The following CADM2 variants were observed in gnomAD, a reference collection of about 807,000 sequenced individuals.
CADM2 encodes immunoglobulin superfamily member 4D.
CADM2 carries 12 observed loss-of-function variants against 49.8 expected under a neutral mutation model. The observed-to-expected ratio is 0.24, with a 90% CI of 0.15 to 0.39. The LOEUF (loss-of-function observed/expected upper bound fraction) is 0.39, where lower values mean the gene tolerates loss of function less well. Ranked by LOEUF, CADM2 falls within the 10% of genes least tolerant of loss-of-function variation. The pLI is 1.00. For missense variants in CADM2, 378 were observed against 492.3 expected (o/e 0.77, Z 2.20); for synonymous variants, 214 against 175.4 (o/e 1.22, Z -1.74).
At chr3:86,054,249 T>C (rs1737659692) in intron 8 of CADM2, among the ~76,000 whole-genome samples, 1 of 152,130 alleles carries the variant, frequency 6.6e-6, no homozygotes, top group Admixed American at 6.6e-5. Context: ...GAGAAACTGG[T>C]TCAATTATCA....
At chr3:85,768,838 A>T (rs1243393641) in intron 2 of CADM2, among the ~76,000 whole-genome samples, 1 of 24,402 alleles carries the variant, frequency 4.1e-5, no homozygotes, top group East Asian at 1.1e-3. Flanking sequence ...ATATACATAT[A>T]TAGTATATAT....
At chr3:85,873,551 A>C (rs1447270063) in intron 3 of CADM2, among the ~76,000 whole-genome samples, 1 of 152,152 alleles carries the variant, frequency 6.6e-6, no homozygotes, top group Non-Finnish European at 1.5e-5. Flanking sequence ...CTGTTATCCC[A>C]GCTACTGGGG....
intron 1 of CADM2, among the ~76,000 whole-genome samples, chr3:85,119,044 C>A (rs116325787): frequency 6.6e-6 from 1 of 152,150 alleles, no homozygotes; most frequent in Non-Finnish European, 1.5e-5. Context: ...CCACCACACC[C>A]AGCCTGTCCA....
At chr3:85,212,875 T>C (rs941542010) in intron 1 of CADM2, among the ~76,000 whole-genome samples, 1 of 133,090 alleles carries the variant, frequency 7.5e-6, no homozygotes, top group Non-Finnish European at 1.5e-5. Context: ...TCTTTCTTTC[T>C]TTCTTTCTTT....
chr3:85,497,744 T>C (rs2039962522), intron 1 of CADM2, among the ~76,000 whole-genome samples: 1 of 152,016 alleles, frequency 6.6e-6, no homozygotes, highest in South Asian at 2.1e-4. Flanking sequence ...AGGAGGAAGG[T>C]TATGGGGTTG....
chr3:86,023,452 G>T (rs566539911), intron 8 of CADM2, among the ~76,000 whole-genome samples: 1 of 152,022 alleles, frequency 6.6e-6, no homozygotes, highest in East Asian at 1.9e-4. Context: ...TCCACCTCCC[G>T]GGTTCAAGCA....
chr3:85,560,474 T>C (rs1227799542), intron 1 of CADM2, among the ~76,000 whole-genome samples: 1 of 152,234 alleles, frequency 6.6e-6, no homozygotes, highest in African/African-American at 2.4e-5. Context: ...TTATTTCTTA[T>C]ATGACTACTG....
chr3:85,541,325 C>T (rs958729483), intron 1 of CADM2, among the ~76,000 whole-genome samples: 7 of 151,204 alleles, frequency 4.6e-5, no homozygotes, highest in Non-Finnish European at 1.0e-4. Flanking sequence ...AACACATATG[C>T]ATGTATATAC....
At chr3:85,037,069 C>T (rs1004329670) in intron 1 of CADM2, among the ~76,000 whole-genome samples, 2 of 150,954 alleles carry the variant, frequency 1.3e-5, no homozygotes, top group African/African-American at 4.9e-5. Flanking sequence ...ACTTGGGAGG[C>T]TAAGGCAGGA....
intron 5 of CADM2, among the ~76,000 whole-genome samples, chr3:85,892,703 G>A (rs1714628245): frequency 6.6e-6 from 1 of 152,090 alleles, no homozygotes; most frequent in Non-Finnish European, 1.5e-5. Context: ...ACTCATCTCA[G>A]GTATGTCTTT....
At chr3:85,254,191 A>C (rs774755902) in intron 1 of CADM2, among the ~76,000 whole-genome samples, 39 of 152,230 alleles carry the variant, frequency 2.6e-4, no homozygotes, top group Non-Finnish European at 5.0e-4. Flanking sequence ...ATTGTAAAGT[A>C]TATTACAAAG....
chr3:85,683,951 T>TAA (rs745877593), intron 1 of CADM2, among the ~76,000 whole-genome samples: 2 of 152,230 alleles, frequency 1.3e-5, no homozygotes, highest in Admixed American at 6.5e-5. Flanking sequence ...TGTGTGTTTA[T>TAA]GTGTCTGTAG....
At chr3:85,022,987 T>C (rs1479783414) in intron 1 of CADM2, among the ~76,000 whole-genome samples, 1 of 152,108 alleles carries the variant, frequency 6.6e-6, no homozygotes, top group Non-Finnish European at 1.5e-5. Flanking sequence ...ATGCTTCTAA[T>C]TTTCTACTTA....
At chr3:85,008,806 T>G (rs2033859376) in intron 1 of CADM2, among the ~76,000 whole-genome samples, 1 of 152,208 alleles carries the variant, frequency 6.6e-6, no homozygotes, top group South Asian at 2.1e-4. Flanking sequence ...ATCGTTTTTC[T>G]CAAAAGTACA....
intron 5 of CADM2, among the ~76,000 whole-genome samples, chr3:85,897,959 T>G (rs1715477262): frequency 6.6e-6 from 1 of 152,218 alleles, no homozygotes; most frequent in Non-Finnish European, 1.5e-5. Flanking sequence ...ATTTTTATGT[T>G]CCTTTATTTA....
chr3:85,763,278 T>A (rs913159846), intron 2 of CADM2, among the ~76,000 whole-genome samples: 7 of 152,192 alleles, frequency 4.6e-5, no homozygotes, highest in African/African-American at 1.7e-4. Flanking sequence ...TGGTATCCCA[T>A]GCTAACTTCT....
intron 1 of CADM2, among the ~76,000 whole-genome samples, chr3:85,159,249 C>T (rs951735054): frequency 1.3e-5 from 2 of 152,090 alleles, no homozygotes; most frequent in Non-Finnish European, 2.9e-5. Flanking sequence ...TGAGCAGTAA[C>T]ATACTAATAC....
At position 85,947,509 on chromosome 3, in the gene CADM2, A is replaced by G. The variant is rs1287511872; in HGVS notation, c.791+11652A>G. Among the ~76,000 whole-genome samples, 4 of 151,614 alleles carry G rather than the reference A, an allele frequency of 2.6e-5. No homozygotes were observed. In the Admixed American group the frequency reaches 2.6e-4, roughly 10 times the overall value. On this transcript the variant is annotated intron_variant, in intron 7 of 9. Coordinates refer to ENST00000383699, the MANE Select transcript of CADM2 (RefSeq NM_001167675.2). ...AGTCAGTTTCTTCCAAAATGTCTTC[A>G]AAGATATAATATTGGAAAATTCATT...
Position 85,912,431 on chromosome 3 carries a change from A to T in CADM2, c.588A>T (p.Thr196=). ...ANRKTFTVSS[T]LDFRVDRSDD... Reference sequence around the variant, plus strand: ...GCAAGACATTCACTGTCAGCAGCACACTGGACTTCCGAGTGGACCGGAGTG... The same window carrying T: ...GCAAGACATTCACTGTCAGCAGCACTCTGGACTTCCGAGTGGACCGGAGTG... The change falls in exon 6 of 10, where the codon ACA becomes ACT. Residue 196 remains threonine, a synonymous_variant. Transcript: ENST00000383699. 1 of 1,614,122 alleles carries T rather than the reference A, an allele frequency of 6.2e-7. No homozygotes were observed. Among genetic ancestry groups the T allele is most frequent in the South Asian group, 1.1e-5 (1 of 91,076 alleles).
Sources: gnomAD v4.1 joint callset for allele counts (sites outside exome capture counted in the v4.1 genomes callset) on GRCh38, gnomAD v4.1.1 for gene constraint, MANE v1.5 for transcripts, NCBI Gene and HGNC (gene_info 2026-07-23, HGNC 2026-07-21) for gene names.